RBM23: variants seen among roughly 807,000 people sequenced by gnomAD.
The protein encoded by RBM23 is probable RNA-binding protein 23.
RBM23 carries 53 observed loss-of-function variants against 56.2 expected under a neutral mutation model. The ratio of observed to expected loss-of-function variants is 0.94; its 90% CI spans 0.76 to 1.19. The LOEUF (loss-of-function observed/expected upper bound fraction) is 1.19. Among genes scored for constraint, RBM23 ranks in the 50% most tolerant of loss-of-function variants. The probability of loss-of-function intolerance (pLI) is 0.00; values close to 1 mark genes in which losing one functional copy is unlikely to be tolerated. For missense variants in RBM23, 642 were observed against 590.3 expected, an observed-to-expected ratio of 1.09 and a Z score of -0.91; for synonymous variants, 197 against 198.5, an observed-to-expected ratio of 0.99 and a Z score of 0.06.
intron 1 of RBM23, chr14:22,913,921 G>A (rs933637938): frequency 6.6e-6 from 1 of 151,884 alleles, no homozygotes; most frequent in Non-Finnish European, 1.5e-5. Flanking sequence ...CTACCTGGGA[G>A]GCTGAGACAG....
chr14:22,901,989 C>A lies in RBM23; in HGVS notation c.1237G>T (p.Ala413Ser). The change falls in exon 12 of 14, where the codon GCT becomes TCT. Residue 413 changes from alanine to serine, a missense_variant. By Grantham distance (99) the Ala-to-Ser change is moderately conservative (BLOSUM62 1). Transcript: ENST00000359890. ...CCATGTCCAAGACTACCAGTCAGAG[C>A]TGCTGGATTCAGGGCCCCCAAGGGA... The part of the protein sequence containing the change: ...AVPLGALNPA[A>S]LTALSPALNL... The A allele has an allele frequency of 1.2e-6, 2 of 1,611,788 alleles. No individual in the cohort carries two copies. The highest frequency in any genetic ancestry group is 1.7e-6 in the Non-Finnish European group (2 of 1,178,326).
chr14:22,914,508 A>G (rs1262524092), intron 1 of RBM23, among the ~76,000 whole-genome samples: 1 of 151,924 alleles, frequency 6.6e-6, no homozygotes, highest in Non-Finnish European at 1.5e-5. Flanking sequence ...AAAAACAAAC[A>G]AATCTTTGGG....
chr14:22,904,763 T>C, intron 9 of RBM23, 112 bp downstream of exon 9: 1 of 1,477,084 alleles, frequency 6.8e-7, no homozygotes, highest in East Asian at 2.3e-5. Flanking sequence ...ATGCCCACTA[T>C]GACGTATGCA....
At position 22,905,127 on chromosome 14, in the gene RBM23, C is replaced by A; in HGVS notation, c.693G>T (p.Leu231Phe). 6.2e-7 allele frequency: 1 copy of A among 1,614,170 alleles called. No individual in the cohort carries two copies. The highest frequency in any genetic ancestry group is 2.2e-5 in the East Asian group (1 of 44,890). The change falls in exon 8 of 14, where the codon TTG (leucine) becomes TTT (phenylalanine). Residue 231 changes from leucine (L) to phenylalanine (F), a missense_variant. Coordinates refer to ENST00000359890, the MANE Select transcript of RBM23 (RefSeq NM_001077351.2). ...PLAIGLTGQRLLGVPIIVQAS... is the reference protein window; with the variant it reads ...PLAIGLTGQRFLGVPIIVQAS... ...CCTGTACAATGATAGGCACTCCCAGCAACCGCTGCCCAGTCAGCCCAATGG... is the reference window on the plus strand; with the variant it reads ...CCTGTACAATGATAGGCACTCCCAGAAACCGCTGCCCAGTCAGCCCAATGG...
rs1300578506 is a variant in RBM23 at position 22,893,219 on chromosome 14, C to G, written c.*8511G>C. 1 of 152,220 alleles carries G rather than the reference C, an allele frequency of 6.6e-6. No individual in the cohort carries two copies. Among genetic ancestry groups the G allele is most frequent in the African/African-American group, 2.4e-5 (1 of 41,430 alleles). The allele number at this position is 152,220 out of a possible 1,614,324, so 9.4% of individuals were successfully genotyped here. A position where few individuals can be genotyped will look rare whatever the true frequency, so the allele number is the denominator to read the frequency against. On this transcript the variant is annotated 3_prime_UTR_variant, in exon 14 of 14. Coordinates refer to ENST00000359890, the MANE Select transcript of RBM23 (RefSeq NM_001077351.2). ...TCCCAGGAAGTTCACACACACACAT[C>G]TTTTTATTAATCTAATATAGTTTCA...
rs556755309 is a variant in RBM23 at position 22,913,290 on chromosome 14, T to C, written c.-10-1887A>G. The stretch of plus-strand genomic sequence containing the variant: ...TTAGCCGGGCGTGGTGGCGGGTGCT[T>C]GTAGTCCCAGCTACTCGGGAGGCTG... On this transcript the variant is annotated intron_variant, in intron 1 of 13. Coordinates refer to ENST00000359890, the MANE Select transcript of RBM23 (RefSeq NM_001077351.2). Among the ~76,000 whole-genome samples the C allele has an allele frequency of 7.3e-5, 11 of 150,796 alleles. No individual in the cohort carries two copies. In the South Asian group the frequency reaches 2.1e-3, roughly 29 times the overall value.
chr14:22,908,407 T>C, intron 3 of RBM23, 27 bp from the exon 4 acceptor site: 1 of 1,540,600 alleles, frequency 6.5e-7, no homozygotes, highest in Non-Finnish European at 8.7e-7. Context: ...ATTCTTCTTT[T>C]TTTTTTTTTA....
chr14:22,903,304 A>C, intron 10 of RBM23: 1 of 985,464 alleles, frequency 1.0e-6, no homozygotes, highest in Non-Finnish European at 1.2e-6. Context: ...CTGTTTGTTT[A>C]AGTGTCAAGG....
chr14:22,902,493 G>A (rs990951905), intron 10 of RBM23, 111 bp from the exon 11 acceptor site: 80 of 1,437,550 alleles, frequency 5.6e-5, no homozygotes, highest in Non-Finnish European at 7.1e-5. Context: ...GCTCACTGAG[G>A]TACAAACTTT....
At position 22,902,756 on chromosome 14, in the gene RBM23, C is replaced by CCTTTTTTTTTTTTTTTTTTTTT. The variant is rs1555336814; in HGVS notation, c.931-375_931-374insAAAAAAAAAAAAAAAAAAAAAG. On this transcript the variant is annotated intron_variant, in intron 10 of 13. Transcript: ENST00000359890. Reference sequence around the variant, plus strand: ...GTTCTCTATCCTAGTAAGTTTTAGTCTTTTTTTTTTTTTTTTTTTTTTTTT... The same window carrying CCTTTTTTTTTTTTTTTTTTTTT: ...GTTCTCTATCCTAGTAAGTTTTAGTCCTTTTTTTTTTTTTTTTTTTTTTTTTTTTTTTTTTTTTTTTTTTTTT... 3.5e-5 allele frequency: 15 copies of CCTTTTTTTTTTTTTTTTTTTTT among 432,480 alleles called. 7 individuals carry two copies. Among genetic ancestry groups the CCTTTTTTTTTTTTTTTTTTTTT allele is most frequent in the Admixed American group, 4.5e-4 (2 of 4,470 alleles). 26.8% of individuals were successfully genotyped at this position (432,480 alleles called of 1,614,324 possible).
At chr14:22,903,664 T>C in intron 10 of RBM23, 1 of 1,001,372 alleles carries the variant, frequency 1.0e-6, no homozygotes, top group Non-Finnish European at 1.2e-6. Flanking sequence ...TCTATCAGAC[T>C]TTGTGGCTGG....
At chr14:22,905,701 T>C (rs570496414) in intron 5 of RBM23, 42 bp from the exon 6 acceptor site, 8 of 1,461,674 alleles carry the variant, frequency 5.5e-6, no homozygotes, top group Non-Finnish European at 7.7e-6. Context: ...CTTATTCTCA[T>C]TGGTCCAATG....
Position 22,902,053 on chromosome 14 carries a change from G to GGCGGCGGCAGCA in RBM23, c.1172_1173insTGCTGCCGCCGC (p.Ala390_Ala393dup). On this transcript the variant is annotated inframe_insertion, in exon 12 of 14. Coordinates refer to ENST00000359890, the MANE Select transcript of RBM23 (RefSeq NM_001077351.2). ...GTTGCAAGGCAGCAGCCTGGGCGGCGGCGGCAGCAGCAGCAGCAGCAGTGC... is the reference window on the plus strand; with the variant it reads ...GTTGCAAGGCAGCAGCCTGGGCGGCGGCGGCGGCAGCAGCGGCAGCAGCAGCAGCAGCAGTGC... 6.2e-7 allele frequency: 1 copy of GGCGGCGGCAGCA among 1,612,636 alleles called. No individual in the cohort carries two copies. The highest frequency in any genetic ancestry group is 8.5e-7 in the Non-Finnish European group (1 of 1,179,090).
At chr14:22,916,721 A>G (rs1318639206) in intron 1 of RBM23, among the ~76,000 whole-genome samples, 1 of 152,122 alleles carries the variant, frequency 6.6e-6, no homozygotes, top group Non-Finnish European at 1.5e-5. Flanking sequence ...CTCACTGAAC[A>G]TGAATGTTCT....
At chr14:22,908,304 G>A in intron 4 of RBM23, 29 bp downstream of exon 4, 1 of 1,548,748 alleles carries the variant, frequency 6.5e-7, no homozygotes, top group Non-Finnish European at 8.7e-7. Flanking sequence ...AAAGATACGA[G>A]CCACTGTGCC....
At position 22,895,110 on chromosome 14, in the gene RBM23, A is replaced by C. The variant is rs2040227129; in HGVS notation, c.*6620T>G. On this transcript the variant is annotated 3_prime_UTR_variant, in exon 14 of 14. Coordinates refer to ENST00000359890, the MANE Select transcript of RBM23 (RefSeq NM_001077351.2). ...TGCAGTGGCTCAGGACTGTAATCCCAGCACTTTGGGAGGCCAAGGCGGGTG... is the reference window on the plus strand; with the variant it reads ...TGCAGTGGCTCAGGACTGTAATCCCCGCACTTTGGGAGGCCAAGGCGGGTG... 6.6e-6 allele frequency: 1 copy of C among 152,104 alleles called. No homozygotes were observed. Among genetic ancestry groups the C allele is most frequent in the Non-Finnish European group, 1.5e-5 (1 of 68,060 alleles). 9.4% of individuals were successfully genotyped at this position (152,104 alleles called of 1,614,324 possible).
chr14:22,903,310 C>A, intron 10 of RBM23: 1 of 985,458 alleles, frequency 1.0e-6, no homozygotes, highest in Middle Eastern at 5.2e-4. Context: ...GTTTAAGTGT[C>A]AAGGTTGTTG....
intron 4 of RBM23, 82 bp from the exon 5 acceptor site, chr14:22,906,450 G>T: frequency 6.7e-7 from 1 of 1,493,790 alleles, no homozygotes; most frequent in Non-Finnish European, 9.2e-7. Flanking sequence ...GGTCCCATAA[G>T]ATTATAACGG....
In RBM23 at chr14:22,896,516, T is replaced by C. The variant is rs1228639166; in HGVS notation, c.*5214A>G. The C allele has an allele frequency of 2.6e-5, 4 of 152,218 alleles. No homozygotes were observed. The highest frequency in any genetic ancestry group is 5.9e-5 in the Non-Finnish European group (4 of 68,042). The allele number at this position is 152,218 out of a possible 1,614,324, so 9.4% of individuals were successfully genotyped here. A position where few individuals can be genotyped will look rare whatever the true frequency, so the allele number is the denominator to read the frequency against. ...TGGCAAGTTTGACGGGTCTCCGATT[T>C]CCAAGGTCATTGTTTCTCCTTTCTA... On this transcript the variant is annotated 3_prime_UTR_variant, in exon 14 of 14. Transcript: ENST00000359890.
Sources: gnomAD v4.1 joint callset for allele counts (sites outside exome capture counted in the v4.1 genomes callset) on GRCh38, gnomAD v4.1.1 for gene constraint, MANE v1.5 for transcripts, NCBI Gene and HGNC (gene_info 2026-07-23, HGNC 2026-07-21) for gene names.